Variants in TXNDC8 observed in about 807,000 individuals in gnomAD.
The protein encoded by TXNDC8 is thioredoxin domain-containing protein 8.
Under a neutral mutation model 12.9 loss-of-function variants are expected in TXNDC8, and 15 were observed. The observed-to-expected ratio is 1.16, with a 90% CI of 0.78 to 1.79. TXNDC8 has a LOEUF of 1.79. TXNDC8 is among the 40% of genes most tolerant of loss of function. The probability of loss-of-function intolerance (pLI) is 0.00; values close to 1 mark genes in which losing one functional copy is unlikely to be tolerated. For synonymous variants in TXNDC8, 40 were observed against 35.4 expected (o/e 1.13, Z -0.46); for missense variants, 128 against 113.2 (o/e 1.13, Z -0.59).
In TXNDC8 at chr9:110,303,715, A is replaced by G; in HGVS notation, c.262-7T>C. The G allele has an allele frequency of 6.4e-7, 1 of 1,574,680 alleles. No individual in the cohort carries two copies. Among genetic ancestry groups the G allele is most frequent in the Non-Finnish European group, 8.7e-7 (1 of 1,154,626 alleles). Reference sequence around the variant, plus strand: ...TTCCATCATCTGCAAGACACTTTAAATATAAATATACATTAAACACATTAA... The same window carrying G: ...TTCCATCATCTGCAAGACACTTTAAGTATAAATATACATTAAACACATTAA... On this transcript the variant is annotated splice_polypyrimidine_tract_variant and splice_region_variant and intron_variant, in intron 4 of 4. Coordinates refer to ENST00000423740, the MANE Select transcript of TXNDC8 (RefSeq NM_001286946.2).
intron 2 of TXNDC8, among the ~76,000 whole-genome samples, chr9:110,327,324 A>AT (rs1355330597): frequency 1.2e-3 from 140 of 120,944 alleles, no homozygotes; most frequent in African/African-American, 2.8e-3. Context: ...TTTATACTAT[A>AT]TATTTTTTTT....
intron 3 of TXNDC8, among the ~76,000 whole-genome samples, chr9:110,321,440 A>C (rs938287295): frequency 2.6e-5 from 4 of 152,218 alleles, no homozygotes; most frequent in Non-Finnish European, 5.9e-5. Context: ...GTACATTTAA[A>C]AGGGTATAAT....
At chr9:110,326,940 G>GCACCCACACACA (rs1554704833) in intron 2 of TXNDC8, among the ~76,000 whole-genome samples, 3 of 142,922 alleles carry the variant, frequency 2.1e-5, no homozygotes, top group African/African-American at 7.9e-5. Flanking sequence ...TGCTACTCAT[G>GCACCCACACACA]CACACACACA....
At chr9:110,307,361 T>A (rs562455404) in intron 3 of TXNDC8, among the ~76,000 whole-genome samples, 1 of 152,290 alleles carries the variant, frequency 6.6e-6, no homozygotes, top group South Asian at 2.1e-4. Context: ...CCTGTCTTAT[T>A]CTATCTTTAT....
At chr9:110,330,272 TATC>T (rs1839498275) in intron 2 of TXNDC8, among the ~76,000 whole-genome samples, 3 of 152,230 alleles carry the variant, frequency 2.0e-5, no homozygotes, top group African/African-American at 7.2e-5. Flanking sequence ...TGGAAAAACC[TATC>T]ATTACTGACA....
intron 3 of TXNDC8, chr9:110,323,619 A>G (rs1289374006): frequency 6.4e-6 from 2 of 314,074 alleles, no homozygotes; most frequent in Non-Finnish European, 1.1e-5. Context: ...AGATATGTTC[A>G]TCAGAATTTT....
downstream of TXNDC8, among the ~76,000 whole-genome samples, chr9:110,302,704 C>A (rs73526751): frequency 6.7e-6 from 1 of 150,362 alleles, no homozygotes; most frequent in East Asian, 2.0e-4. Flanking sequence ...TGTGTGTGTA[C>A]ACGTCTGTGT....
At position 110,326,296 on chromosome 9, in the gene TXNDC8, C is replaced by A. The variant is rs534146584; in HGVS notation, c.130-56G>T. ...CAGTATTGGTGTCCTCTCTCTGTAC[C>A]AAGCATGTTATTTGGTAACTTTTTA... On this transcript the variant is annotated intron_variant, in intron 2 of 4. Coordinates refer to ENST00000423740, the MANE Select transcript of TXNDC8 (RefSeq NM_001286946.2). 5.7e-5 allele frequency: 90 copies of A among 1,580,764 alleles called. No individual in the cohort carries two copies. The South Asian group carries it at 9.2e-4, about 16-fold the overall frequency.
chr9:110,336,590 T>TA (rs1251503454), intron 1 of TXNDC8, among the ~76,000 whole-genome samples: 2 of 152,180 alleles, frequency 1.3e-5, no homozygotes, highest in African/African-American at 4.8e-5. Flanking sequence ...AGGCCTATAC[T>TA]ATGCCAGCTA....
chr9:110,320,531 T>G (rs931271750), intron 3 of TXNDC8, among the ~76,000 whole-genome samples: 2 of 152,208 alleles, frequency 1.3e-5, no homozygotes, highest in African/African-American at 4.8e-5. Context: ...ATTAGCAGCA[T>G]GAGAACGGAT....
At position 110,334,303 on chromosome 9, in the gene TXNDC8, A is replaced by T. The variant is rs1448679915; in HGVS notation, c.42T>A (p.Phe14Leu). The T allele has an allele frequency of 1.2e-6, 2 of 1,613,196 alleles. No individual in the cohort carries two copies. ...CGAGTTTGTGTCCGGCAGCTGTCAA[A>T]AATGTTTTAAATTCATTCTGAAAAC... is the stretch of plus-strand genomic sequence containing the variant. Residue 14 changes from phenylalanine (F) to leucine (L), a missense_variant, in exon 2 of 5, where the codon TTT becomes TTA. Physicochemically the swap from Phe to Leu is conservative, Grantham distance 22. Coordinates refer to ENST00000423740, the MANE Select transcript of TXNDC8 (RefSeq NM_001286946.2).
downstream of TXNDC8, among the ~76,000 whole-genome samples, chr9:110,301,763 G>A (rs778032487): frequency 4.6e-5 from 7 of 152,112 alleles, no homozygotes; most frequent in Non-Finnish European, 7.4e-5. Context: ...GAAATACCCC[G>A]AGTCCCCCAT....
At chr9:110,318,538 C>T (rs1587969385) in intron 3 of TXNDC8, among the ~76,000 whole-genome samples, 1 of 152,174 alleles carries the variant, frequency 6.6e-6, no homozygotes, top group South Asian at 2.1e-4. Context: ...AGATCGAGAC[C>T]ATCCTGCCTA....
In TXNDC8 at chr9:110,322,698, A is replaced by G. The variant is rs566175227; in HGVS notation, c.195+3477T>C. 3.5e-5 allele frequency: 34 copies of G among 985,484 alleles called. No homozygotes were observed. In the African/African-American group the frequency reaches 5.2e-4, roughly 15 times the overall value. The allele number at this position is 985,484 out of a possible 1,614,324, so 61.0% of individuals were successfully genotyped here. On this transcript the variant is annotated intron_variant, in intron 3 of 4. Coordinates refer to ENST00000423740, the MANE Select transcript of TXNDC8 (RefSeq NM_001286946.2). Reference sequence around the variant, plus strand: ...CAATATCAGCAGCAGCAGGAATAAAACCAGAAAATTATACTGAACTGGAGA... The same window carrying G: ...CAATATCAGCAGCAGCAGGAATAAAGCCAGAAAATTATACTGAACTGGAGA...
downstream of TXNDC8, among the ~76,000 whole-genome samples, chr9:110,302,082 C>T (rs1009581259): frequency 2.6e-5 from 4 of 152,118 alleles, no homozygotes; most frequent in African/African-American, 7.2e-5. Context: ...CTCCACCTTC[C>T]AGGCGCAAGT....
At chr9:110,305,457 T>A (rs1838399112) in intron 3 of TXNDC8, among the ~76,000 whole-genome samples, 1 of 152,168 alleles carries the variant, frequency 6.6e-6, no homozygotes. Context: ...AAGCACTGAT[T>A]TCTGTTGTAT....
chr9:110,322,242 T>G (rs890034756), intron 3 of TXNDC8, among the ~76,000 whole-genome samples: 39 of 152,096 alleles, frequency 2.6e-4, no homozygotes, highest in African/African-American at 9.4e-4. Context: ...CAATGATAAA[T>G]TGAATCCTCA....
chr9:110,307,520 G>GT (rs1465487423), intron 3 of TXNDC8, among the ~76,000 whole-genome samples: 4 of 152,176 alleles, frequency 2.6e-5, no homozygotes, highest in Non-Finnish European at 4.4e-5. Flanking sequence ...GAAGAGAGAT[G>GT]TATGCAAGGC....
chr9:110,329,109 G>A, intron 2 of TXNDC8, 123 bp downstream of exon 3: 1 of 829,108 alleles, frequency 1.2e-6, no homozygotes, highest in Non-Finnish European at 1.9e-6. Context: ...GTAGTTATTA[G>A]AAAAAATGTA....
Sources: gnomAD v4.1 joint callset for allele counts (sites outside exome capture counted in the v4.1 genomes callset) on GRCh38, gnomAD v4.1.1 for gene constraint, MANE v1.5 for transcripts, NCBI Gene and HGNC (gene_info 2026-07-23, HGNC 2026-07-21) for gene names.